Variants in CUX2 observed in about 807,000 individuals in gnomAD.
The protein encoded by CUX2 is cut like homeobox 2, also known as homeobox protein cut-like 2.
A neutral mutation model predicts 144.8 loss-of-function variants in CUX2; 40 were observed. That is an observed-to-expected ratio of 0.28 (90% CI 0.21 to 0.36). The LOEUF (loss-of-function observed/expected upper bound fraction) is 0.36. Among genes scored for constraint, CUX2 ranks in the 10% least tolerant of loss-of-function variants. CUX2 has a pLI of 1.00. For synonymous variants in CUX2, 827 were observed against 875.6 expected (o/e 0.94, Z 0.98); for missense variants, 1,615 against 1,994.0 (o/e 0.81, Z 3.62).
chr12:111,286,437 A>G (rs542813110), intron 4 of CUX2, among the ~76,000 whole-genome samples: 3 of 152,248 alleles, frequency 2.0e-5, no homozygotes, highest in East Asian at 3.9e-4. Context: ...AATCTTCCCA[A>G]TAAGAATTCC....
chr12:111,073,129 G>C (rs942290595), intron 1 of CUX2, among the ~76,000 whole-genome samples: 1 of 152,124 alleles, frequency 6.6e-6, no homozygotes, highest in South Asian at 2.1e-4. Context: ...CTCAAATTAA[G>C]AACTAGAAAA....
intron 1 of CUX2, among the ~76,000 whole-genome samples, chr12:111,212,681 C>A (rs1039003336): frequency 6.6e-6 from 1 of 152,200 alleles, no homozygotes; most frequent in African/African-American, 2.4e-5. Flanking sequence ...GTGCCTCTAC[C>A]TTCTCCCTTC....
chr12:111,166,892 G>A (rs1288333266), intron 1 of CUX2, among the ~76,000 whole-genome samples: 2 of 152,216 alleles, frequency 1.3e-5, no homozygotes, highest in South Asian at 2.1e-4. Context: ...CTGTTGGAAG[G>A]GAATCTTGGC....
rs762379337 is a variant in CUX2, at chr12:111,068,669, C to G, written c.63+34429C>G. Among the ~76,000 whole-genome samples, 11 of 152,188 alleles carry G rather than the reference C, an allele frequency of 7.2e-5. No individual in the cohort carries two copies. Among genetic ancestry groups the G allele is most frequent in the Non-Finnish European group, 1.5e-4 (10 of 68,034 alleles). On this transcript the variant is annotated intron_variant, in intron 1 of 21. Transcript: ENST00000261726. This position sits in a 1 kb window ranked among gnomAD's most constrained non-coding sequence, Gnocchi z 4.9. ...TTTGTAGCTCACCTGCTCTGCCTTG[C>G]GTGGTTCAACTCCGCCCCCTTCTTC...
chr12:111,210,797 CAAA>C (rs543644206), intron 1 of CUX2, among the ~76,000 whole-genome samples: 1 of 125,176 alleles, frequency 8.0e-6, no homozygotes, highest in Admixed American at 8.1e-5. Context: ...GACCCTGTCT[CAAA>C]AAAAAAAAAA....
chr12:111,135,463 A>G (rs1875816085), intron 1 of CUX2, among the ~76,000 whole-genome samples: 1 of 152,230 alleles, frequency 6.6e-6, no homozygotes, highest in Non-Finnish European at 1.5e-5. Context: ...CATGTGACCC[A>G]GCAATTCTGC....
chr12:111,044,068 A>T (rs1869880896), intron 1 of CUX2, among the ~76,000 whole-genome samples: 1 of 152,130 alleles, frequency 6.6e-6, no homozygotes, highest in Admixed American at 6.5e-5. Flanking sequence ...CGTCAACCAA[A>T]CAACCTTCCT....
At chr12:111,079,390 C>T (rs1393436478) in intron 1 of CUX2, among the ~76,000 whole-genome samples, 1 of 152,128 alleles carries the variant, frequency 6.6e-6, no homozygotes, top group East Asian at 1.9e-4. Flanking sequence ...GCCTTCTGAA[C>T]GAGGACTGGT....
At chr12:111,075,646 C>T (rs898636532) in intron 1 of CUX2, among the ~76,000 whole-genome samples, 1 of 152,232 alleles carries the variant, frequency 6.6e-6, no homozygotes, top group Non-Finnish European at 1.5e-5. Flanking sequence ...GTCATGCTGT[C>T]TTTTTACTTA....
intron 1 of CUX2, chr12:111,099,811 C>A: frequency 2.4e-6 from 1 of 418,406 alleles, no homozygotes; most frequent in Admixed American, 2.5e-5. Context: ...ACCCTCTGTC[C>A]CCTCCATGCC....
intron 3 of CUX2, among the ~76,000 whole-genome samples, chr12:111,238,726 A>G (rs1262467332): frequency 6.6e-6 from 1 of 152,100 alleles, no homozygotes; most frequent in African/African-American, 2.4e-5. Flanking sequence ...ATACACACAC[A>G]CACATGAATT....
At chr12:111,180,492 G>A (rs2136179925) in intron 1 of CUX2, among the ~76,000 whole-genome samples, 1 of 152,324 alleles carries the variant, frequency 6.6e-6, no homozygotes, top group East Asian at 1.9e-4. Context: ...GAGAATTTGG[G>A]CCTTTACGAC....
intron 1 of CUX2, among the ~76,000 whole-genome samples, chr12:111,081,113 C>T (rs1444945445): frequency 6.6e-6 from 1 of 152,122 alleles, no homozygotes; most frequent in African/African-American, 2.4e-5. Context: ...GGCCTCAGCC[C>T]TCACCATGCT....
intron 1 of CUX2, among the ~76,000 whole-genome samples, chr12:111,153,295 T>TG (rs1356721733): frequency 2.0e-5 from 3 of 152,226 alleles, no homozygotes; most frequent in Non-Finnish European, 4.4e-5. Context: ...TTCTAGGTGC[T>TG]GGGGATATAG....
intron 1 of CUX2, among the ~76,000 whole-genome samples, chr12:111,075,130 A>G (rs1057023012): frequency 2.2e-5 from 3 of 134,584 alleles, no homozygotes; most frequent in Non-Finnish European, 4.7e-5. Flanking sequence ...CCCTGCTCAC[A>G]GGAGCAGCCG....
At position 111,347,618 on chromosome 12, in the gene CUX2, T is replaced by TC; in HGVS notation, c.3757dup (p.His1253ProfsTer10). On this transcript the variant is annotated frameshift_variant, in exon 22 of 22. Coordinates refer to ENST00000261726, the MANE Select transcript of CUX2 (RefSeq NM_015267.4). LOFTEE classifies it low-confidence loss of function (END_TRUNC). ...TCCTGGAATCCTACCGCCAGGCCACTCCCACCCAGACCCCACCCCGCAGAG... is the reference window on the plus strand; with the variant it reads ...TCCTGGAATCCTACCGCCAGGCCACTCCCCACCCAGACCCCACCCCGCAGAG... 2.6e-6 allele frequency: 4 copies of TC among 1,517,736 alleles called. No homozygotes were observed. Among genetic ancestry groups the TC allele is most frequent in the Non-Finnish European group, 3.7e-6 (4 of 1,094,650 alleles). 94.0% of individuals were successfully genotyped at this position (1,517,736 alleles called of 1,614,324 possible).
intron 1 of CUX2, among the ~76,000 whole-genome samples, chr12:111,052,208 A>G (rs1870303111): frequency 6.6e-6 from 1 of 151,846 alleles, no homozygotes; most frequent in African/African-American, 2.4e-5. Flanking sequence ...ACTCAATATC[A>G]CTTCCTTGGG....
At chr12:111,100,723 C>G (rs138081695) in intron 1 of CUX2, among the ~76,000 whole-genome samples, 1 of 152,192 alleles carries the variant, frequency 6.6e-6, no homozygotes, top group African/African-American at 2.4e-5. Flanking sequence ...CATATGAGAG[C>G]GTGTGGACTG....
At chr12:111,299,947 T>C (rs547556995) in intron 9 of CUX2, among the ~76,000 whole-genome samples, 6 of 152,274 alleles carry the variant, frequency 3.9e-5, no homozygotes, top group Admixed American at 3.9e-4. Flanking sequence ...GGCACAATCA[T>C]GGCTCACTGT....
Sources: gnomAD v4.1 joint callset for allele counts (sites outside exome capture counted in the v4.1 genomes callset) on GRCh38, gnomAD v4.1.1 for gene constraint, Gnocchi (gnomAD v3.1) non-coding constraint, MANE v1.5 for transcripts, NCBI Gene and HGNC (gene_info 2026-07-23, HGNC 2026-07-21) for gene names.